Variants in EBF2 observed in about 807,000 individuals in gnomAD.
The protein encoded by EBF2 is transcription factor COE2.
Under a neutral mutation model 72.8 loss-of-function variants are expected in EBF2, and 21 were observed. The ratio of observed to expected loss-of-function variants is 0.29; its 90% CI spans 0.20 to 0.42. EBF2 has a LOEUF of 0.42. Among genes scored for constraint, EBF2 ranks in the 10% least tolerant of loss-of-function variants. The probability of loss-of-function intolerance (pLI) is 1.00; values close to 1 mark genes in which losing one functional copy is unlikely to be tolerated. For synonymous variants in EBF2, 299 were observed against 274.2 expected (o/e 1.09, Z -0.89); for missense variants, 637 against 731.2 (o/e 0.87, Z 1.49).
At chr8:25,932,413 T>C (rs1803499945) in intron 6 of EBF2, among the ~76,000 whole-genome samples, 1 of 151,510 alleles carries the variant, frequency 6.6e-6, no homozygotes, top group African/African-American at 2.4e-5. Context: ...GCGTACGGGA[T>C]GCTACTGAAT....
At chr8:26,001,447 G>T (rs1804724343) in intron 6 of EBF2, among the ~76,000 whole-genome samples, 1 of 152,178 alleles carries the variant, frequency 6.6e-6, no homozygotes, top group African/African-American at 2.4e-5. Context: ...ATTATTTGCA[G>T]TTAGTCTTAG....
At chr8:25,852,452 A>G (rs1229371753) in intron 14 of EBF2, among the ~76,000 whole-genome samples, 2 of 152,242 alleles carry the variant, frequency 1.3e-5, no homozygotes, top group African/African-American at 2.4e-5. Flanking sequence ...CTACAACAGC[A>G]GAACCTCCTC....
chr8:25,953,557 G>A (rs1349715753), intron 6 of EBF2, among the ~76,000 whole-genome samples: 2 of 152,150 alleles, frequency 1.3e-5, no homozygotes, highest in Non-Finnish European at 2.9e-5. Flanking sequence ...CCATACCGCA[G>A]AGGAAAAAAG....
intron 7 of EBF2, 55 bp downstream of exon 7, chr8:25,908,419 G>T: frequency 7.7e-7 from 1 of 1,293,156 alleles, no homozygotes; most frequent in Non-Finnish European, 1.1e-6. Context: ...AGAGTGAGAA[G>T]GAGAGAGAAA....
At chr8:26,005,427 T>A (rs1410877197) in intron 6 of EBF2, among the ~76,000 whole-genome samples, 1 of 7,310 alleles carries the variant, frequency 1.4e-4, no homozygotes, top group African/African-American at 6.6e-4. Flanking sequence ...ATAATATATA[T>A]TATATATATT....
At chr8:25,947,534 C>A (rs184557828) in intron 6 of EBF2, among the ~76,000 whole-genome samples, 30 of 152,284 alleles carry the variant, frequency 2.0e-4, no homozygotes, top group Admixed American at 1.4e-3. Flanking sequence ...AGTTCTTGAC[C>A]ACTCACATCC....
chr8:25,948,097 A>G (rs900598063), intron 6 of EBF2, among the ~76,000 whole-genome samples: 3 of 152,204 alleles, frequency 2.0e-5, no homozygotes, highest in African/African-American at 4.8e-5. Context: ...TCATTCATTC[A>G]TAGAGTCATT....
intron 6 of EBF2, among the ~76,000 whole-genome samples, chr8:25,983,266 A>G (rs572994961): frequency 6.6e-6 from 1 of 152,232 alleles, no homozygotes; most frequent in Non-Finnish European, 1.5e-5. Context: ...TGCATCATTG[A>G]GTGTGAAAGT....
At chr8:25,871,908 CT>C (rs985139850) in intron 10 of EBF2, among the ~76,000 whole-genome samples, 9 of 151,078 alleles carry the variant, frequency 6.0e-5, no homozygotes, top group African/African-American at 2.2e-4. Flanking sequence ...TGAATGGTTT[CT>C]TTTTTAAAGT....
At position 26,044,835 on chromosome 8, in the gene EBF2, C is replaced by T. The variant is rs1192280577; in HGVS notation, c.25G>A (p.Gly9Arg). 7 of 1,614,006 alleles carry T rather than the reference C, an allele frequency of 4.3e-6. No individual in the cohort carries two copies. Among genetic ancestry groups the T allele is most frequent in the Non-Finnish European group, 5.9e-6 (7 of 1,180,044 alleles). ...TTCTCTTTCAGAGTTGGTCCTCTTC[C>T]TAAAGTATCTTGAATTCCAAACATT... is the stretch of plus-strand genomic sequence containing the variant. The part of the protein sequence containing the change: MFGIQDTL[G>R]RGPTLKEKSL... The change falls in exon 1 of 16, where the codon GGA becomes AGA. Residue 9 changes from glycine (G) to arginine (R), a missense_variant. Physicochemically the swap from Gly to Arg is moderately radical, Grantham distance 125 (BLOSUM62 -2). This residue lies in a region of EBF2 where 174 missense variants were observed against 161.9 expected (regional missense o/e 1.07). Coordinates refer to ENST00000520164, the MANE Select transcript of EBF2 (RefSeq NM_022659.4). This position sits in a 1 kb window ranked among gnomAD's most constrained non-coding sequence, Gnocchi z 4.1.
At chr8:25,896,400 A>G (rs10108311) in intron 7 of EBF2, among the ~76,000 whole-genome samples, 11,531 of 152,202 alleles carry the variant, frequency 0.076, 1,104 homozygotes, top group African/African-American at 0.22. Flanking sequence ...CACACTCCAC[A>G]TTGAAGACTC....
chr8:25,927,076 T>C (rs917038953), intron 6 of EBF2, among the ~76,000 whole-genome samples: 15 of 152,156 alleles, frequency 9.9e-5, no homozygotes, highest in African/African-American at 3.6e-4. Flanking sequence ...ACAAACTGGT[T>C]GACTCTAAGT....
chr8:25,861,577 C>T (rs1802213826), intron 11 of EBF2, among the ~76,000 whole-genome samples: 1 of 152,104 alleles, frequency 6.6e-6, no homozygotes, highest in Admixed American at 6.5e-5. Context: ...CTGAAATTCA[C>T]CTCTATAAAA....
intron 10 of EBF2, among the ~76,000 whole-genome samples, chr8:25,867,790 A>G (rs1476729751): frequency 3.9e-5 from 6 of 152,152 alleles, no homozygotes; most frequent in Non-Finnish European, 8.8e-5. Flanking sequence ...AAGATACCCA[A>G]GCTCATGAGA....
At chr8:25,864,942 C>CGCGCGCCACCAT (rs1802281452) in intron 10 of EBF2, among the ~76,000 whole-genome samples, 1 of 151,886 alleles carries the variant, frequency 6.6e-6, no homozygotes, top group African/African-American at 2.4e-5. Context: ...GGCTTACAGG[C>CGCGCGCCACCAT]GCGCGCCACC....
chr8:25,934,229 A>G (rs1204986790), intron 6 of EBF2, among the ~76,000 whole-genome samples: 1 of 7,706 alleles, frequency 1.3e-4, no homozygotes, highest in Non-Finnish European at 2.4e-4. Context: ...GTGCATACAC[A>G]CACACACACA....
chr8:25,916,346 A>T (rs142215995), intron 6 of EBF2, among the ~76,000 whole-genome samples: 2 of 151,996 alleles, frequency 1.3e-5, no homozygotes, highest in Non-Finnish European at 2.9e-5. Context: ...ACAAAAAAAC[A>T]CTTTTCAAGG....
intron 1 of EBF2, 110 bp from the exon 2 acceptor site, chr8:26,042,361 C>G: frequency 7.3e-7 from 1 of 1,369,526 alleles, no homozygotes; most frequent in Non-Finnish European, 9.8e-7. Flanking sequence ...TTCCCAGGTC[C>G]AGAGTTCTGA....
intron 2 of EBF2, among the ~76,000 whole-genome samples, chr8:26,041,709 A>G (rs1805603470): frequency 6.6e-6 from 1 of 152,212 alleles, no homozygotes; most frequent in African/African-American, 2.4e-5. Context: ...GCCGGTTTCC[A>G]CTTAGTGCCG....
Sources: allele counts gnomAD v4.1 joint callset (sites outside exome capture counted in the v4.1 genomes callset), GRCh38; gene constraint gnomAD v4.1.1; regional missense constraint gnomAD v4.1.1; non-coding constraint Gnocchi (gnomAD v3.1); transcripts MANE v1.5; gene names NCBI Gene and HGNC (gene_info 2026-07-23, HGNC 2026-07-21).